The following CFAP47 variants were observed in gnomAD, a reference collection of about 807,000 sequenced individuals.
CFAP47 encodes cilia and flagella associated protein 47.
A neutral mutation model predicts 148.1 loss-of-function variants in CFAP47; 29 were observed. The ratio of observed to expected loss-of-function variants is 0.20; its 90% CI spans 0.15 to 0.27. CFAP47 has a LOEUF of 0.27. Among genes scored for constraint, CFAP47 ranks in the 10% least tolerant of loss-of-function variants. The pLI, the probability that CFAP47 is intolerant of heterozygous loss-of-function variation, is 1.00. For synonymous variants in CFAP47, 664 were observed against 577.3 expected (o/e 1.15, Z -2.15); for missense variants, 1,872 against 1,697.5 (o/e 1.10, Z -1.81).
intron 45 of CFAP47, among the ~76,000 whole-genome samples, chrX:36,220,250 T>G (rs782442360): frequency 9.0e-6 from 1 of 111,165 alleles, no homozygotes; most frequent in Admixed American, 9.6e-5. Context: ...GTAAATGAAT[T>G]TCCTGTTTAG....
intron 62 of CFAP47, among the ~76,000 whole-genome samples, chrX:36,371,747 T>TATATATGTGTGC (rs1941952251): frequency 1.9e-5 from 1 of 52,044 alleles, no homozygotes; most frequent in Admixed American, 1.8e-4. Context: ...TATATGTGTG[T>TATATATGTGTGC]ATATACACAC....
Position 36,071,862 on chromosome X carries a change from T to G in CFAP47, c.4356T>G (p.Val1452=). 8.3e-7 allele frequency: 1 copy of G among 1,206,172 alleles called. No homozygotes were observed. Among genetic ancestry groups the G allele is most frequent in the Non-Finnish European group, 1.1e-6 (1 of 891,485 alleles). ...ATCTTAAGAAGACTAGAGATGGTGT[T>G]TTGCCTCCCTACCAGGATGCTAAAC... ...DEYLKKTRDG[V]LPPYQDAKPP... is the part of the protein sequence containing the mutation. Residue 1452 remains valine, a synonymous_variant, in exon 28 of 64, where the codon GTT becomes GTG. Transcript: ENST00000378653.
In CFAP47 at chrX:35,966,457, A is replaced by G. The variant is rs142759588; in HGVS notation, c.1411-108A>G. ...TCTGAAGTACTTTCATATTACCATT[A>G]TGAGCTAGCTTTCCTTGAAATTTTA... is the stretch of plus-strand genomic sequence containing the variant. On this transcript the variant is annotated intron_variant, in intron 8 of 63. Coordinates refer to ENST00000378653, the MANE Select transcript of CFAP47 (RefSeq NM_001304548.2). 5.9e-3 allele frequency: 2,394 copies of G among 403,043 alleles called. 48 individuals carry two copies. The highest frequency in any genetic ancestry group is 0.057 in the African/African-American group (2,163 of 37,665). 33.2% of individuals were successfully genotyped at this position (403,043 alleles called of 1,213,427 possible).
At chrX:36,371,644 A>G (rs59507145) in intron 62 of CFAP47, among the ~76,000 whole-genome samples, 2,951 of 69,216 alleles carry the variant, frequency 0.043, 317 homozygotes, top group African/African-American at 0.17. Context: ...ATACACACAT[A>G]TGTGTATATA....
intron 4 of CFAP47, among the ~76,000 whole-genome samples, chrX:35,949,616 C>G (rs1161498614): frequency 9.0e-6 from 1 of 111,653 alleles, no homozygotes. Flanking sequence ...TTTTACTTTT[C>G]AGATTCCTGG....
intron 23 of CFAP47, among the ~76,000 whole-genome samples, chrX:36,034,031 A>G (rs1419009720): frequency 9.0e-6 from 1 of 111,538 alleles, no homozygotes; most frequent in Non-Finnish European, 1.9e-5. Context: ...TGACTAAACA[A>G]CAGACTCTAT....
chrX:36,353,741 T>C lies in CFAP47; in HGVS notation c.8851+60T>C, dbSNP rs1602122493. 7 of 899,555 alleles carry C rather than the reference T, an allele frequency of 7.8e-6. No homozygotes were observed. The East Asian group carries it at 2.4e-4, about 31-fold the overall frequency. The allele number at this position is 899,555 out of a possible 1,213,427, so 74.1% of individuals were successfully genotyped here. On this transcript the variant is annotated intron_variant, in intron 60 of 63. Transcript: ENST00000378653. Reference sequence around the variant, plus strand: ...AAAAAAGAAACTTAGTTTCCATGAATTGCAGGTTGCTGATTGTGCAGTTAC... The same window carrying C: ...AAAAAAGAAACTTAGTTTCCATGAACTGCAGGTTGCTGATTGTGCAGTTAC...
chrX:35,976,993 A>T (rs1936580772), intron 15 of CFAP47, among the ~76,000 whole-genome samples: 1 of 111,845 alleles, frequency 8.9e-6, no homozygotes, highest in South Asian at 3.7e-4. Context: ...AGCCTGTCAA[A>T]TTTGGCAAAC....
intron 35 of CFAP47, among the ~76,000 whole-genome samples, chrX:36,139,357 A>T (rs1363095906): frequency 2.7e-5 from 3 of 111,717 alleles, no homozygotes; most frequent in African/African-American, 9.8e-5. Context: ...AATTGTGTGA[A>T]TAGGTTTCCC....
chrX:35,927,689 A>G (rs750509418), intron 2 of CFAP47, among the ~76,000 whole-genome samples: 1 of 109,786 alleles, frequency 9.1e-6, no homozygotes, highest in South Asian at 3.9e-4. Flanking sequence ...TGTATCCACC[A>G]CCACAGTCAA....
chrX:36,299,141 C>T lies in CFAP47; in HGVS notation c.7851C>T (p.Tyr2617=). ...GGTATTCTCCAGCAACTACAGGCTA[C>T]AGCGATGAAAGGTATGGTTTGAGTG... ...IVWYSPATTG[Y]SDESIIFQPE... Residue 2617 remains tyrosine, a synonymous_variant, in exon 52 of 64, where the codon TAC becomes TAT. Transcript: ENST00000378653. The T allele has an allele frequency of 1.9e-6, 2 of 1,046,178 alleles. No individual in the cohort carries two copies. Among genetic ancestry groups the T allele is most frequent in the African/African-American group, 3.7e-5 (2 of 53,586 alleles). The allele number at this position is 1,046,178 out of a possible 1,213,427, so 86.2% of individuals were successfully genotyped here.
chrX:35,927,635 G>T (rs974029905), intron 2 of CFAP47, among the ~76,000 whole-genome samples: 1 of 110,105 alleles, frequency 9.1e-6, no homozygotes, highest in African/African-American at 3.3e-5. Flanking sequence ...GTGTGCATGT[G>T]TGTTATTAAT....
chrX:36,335,669 A>T (rs1343325578), intron 57 of CFAP47, among the ~76,000 whole-genome samples: 1 of 111,875 alleles, frequency 8.9e-6, no homozygotes, highest in East Asian at 2.8e-4. Context: ...AATTATAAAA[A>T]TGGAAAATAG....
chrX:36,149,963 A>G (rs1005294839), intron 37 of CFAP47, among the ~76,000 whole-genome samples: 73 of 110,621 alleles, frequency 6.6e-4, no homozygotes, highest in Non-Finnish European at 9.8e-4. Flanking sequence ...TGTACTAATT[A>G]TAGGAAATTT....
Position 36,150,690 on chromosome X carries a change from C to T in CFAP47, c.5786+1467C>T, listed in dbSNP as rs186304166. 5.5e-3 allele frequency among the ~76,000 whole-genome samples: 606 copies of T among 111,100 alleles called. 4 individuals are homozygous for T. The highest frequency in any genetic ancestry group is 0.017 in the African/African-American group (533 of 30,687). ...CCCATTTTCAACAGTGCCCTTGTTT[C>T]GTGTCATTAGCCTATGTTAGCTTTC... On this transcript the variant is annotated intron_variant, in intron 37 of 63. Coordinates refer to ENST00000378653, the MANE Select transcript of CFAP47 (RefSeq NM_001304548.2).
chrX:36,384,499 C>T (rs1556024758), intron 63 of CFAP47, among the ~76,000 whole-genome samples: 1 of 112,005 alleles, frequency 8.9e-6, no homozygotes, highest in Non-Finnish European at 1.9e-5. Flanking sequence ...CATTAGTTGG[C>T]GTTCATACTG....
intron 62 of CFAP47, among the ~76,000 whole-genome samples, chrX:36,371,802 A>G (rs868976359): frequency 5.4e-5 from 3 of 55,900 alleles, no homozygotes; most frequent in Non-Finnish European, 8.2e-5. Flanking sequence ...GTATATACAC[A>G]CATGTATATA....
intron 35 of CFAP47, among the ~76,000 whole-genome samples, chrX:36,143,521 G>A (rs759808267): frequency 2.4e-4 from 27 of 111,613 alleles, no homozygotes; most frequent in African/African-American, 8.8e-4. Flanking sequence ...TTTCCATTTT[G>A]TGGAAGTACA....
intron 51 of CFAP47, among the ~76,000 whole-genome samples, chrX:36,289,813 G>T (rs1941175172): frequency 8.9e-6 from 1 of 111,934 alleles, no homozygotes; most frequent in Non-Finnish European, 1.9e-5. Context: ...TTAAAGATCA[G>T]CAATAATTAG....
Sources: gnomAD v4.1 joint callset for allele counts (sites outside exome capture counted in the v4.1 genomes callset) on GRCh38, gnomAD v4.1.1 for gene constraint, MANE v1.5 for transcripts, NCBI Gene and HGNC (gene_info 2026-07-23, HGNC 2026-07-21) for gene names.